The following GUCY2F variants were observed in gnomAD, a reference collection of about 807,000 sequenced individuals.
GUCY2F encodes retinal guanylyl cyclase 2.
A neutral mutation model predicts 73.1 loss-of-function variants in GUCY2F; 61 were observed. The observed-to-expected ratio is 0.83, with a 90% confidence interval of 0.68 to 1.03. The LOEUF (loss-of-function observed/expected upper bound fraction) is 1.03. Among genes scored for constraint, GUCY2F ranks in the 50% least tolerant of loss-of-function variants. The probability of loss-of-function intolerance (pLI) is 0.00; values close to 1 mark genes in which losing one functional copy is unlikely to be tolerated. For missense variants in GUCY2F, 912 were observed against 854.3 expected (o/e 1.07, Z -0.84); for synonymous variants, 331 against 307.8 (o/e 1.08, Z -0.79).
At chrX:109,481,469 A>G (rs1259420832) in intron 1 of GUCY2F, among the ~76,000 whole-genome samples, 2 of 111,898 alleles carry the variant, frequency 1.8e-5, no homozygotes, top group African/African-American at 6.5e-5. Flanking sequence ...ATGTACAAAG[A>G]AAGACTATGA....
In GUCY2F at chrX:109,475,557, G is replaced by T. The variant is rs1932672567; in HGVS notation, c.380C>A (p.Thr127Asn). 1 of 1,209,481 alleles carries T rather than the reference G, an allele frequency of 8.3e-7. No individual in the cohort carries two copies. The highest frequency in any genetic ancestry group is 2.2e-5 in the Admixed American group (1 of 45,805). ...GGCTGCCTCGCAGTAGCCAGGGTTG[G>T]TAGGTCCAATAAATCCTGAGGCCAT... ...HQMASGFIGP[T>N]NPGYCEAASL... The change falls in exon 2 of 20, where the codon ACC (threonine) becomes AAC (asparagine). Residue 127 changes from threonine to asparagine, a missense_variant. Transcript: ENST00000218006.
At chrX:109,404,079 C>G (rs1232444040) in intron 10 of GUCY2F, among the ~76,000 whole-genome samples, 1 of 112,326 alleles carries the variant, frequency 8.9e-6, no homozygotes, top group Non-Finnish European at 1.9e-5. Context: ...GCTGGGGTCT[C>G]CAAACAATAC....
chrX:109,467,726 T>C (rs1932498501), intron 2 of GUCY2F, among the ~76,000 whole-genome samples: 1 of 112,024 alleles, frequency 8.9e-6, no homozygotes, highest in African/African-American at 3.2e-5. Context: ...CTCAGTAGTG[T>C]GCTGGGGTTC....
intron 6 of GUCY2F, among the ~76,000 whole-genome samples, chrX:109,443,313 T>G (rs1472864009): frequency 8.9e-6 from 1 of 111,776 alleles, no homozygotes; most frequent in African/African-American, 3.3e-5. Context: ...AATTTATTTT[T>G]TTTTATTTAC....
intron 2 of GUCY2F, among the ~76,000 whole-genome samples, chrX:109,472,764 A>G (rs1932602479): frequency 8.9e-6 from 1 of 111,844 alleles, no homozygotes; most frequent in Non-Finnish European, 1.9e-5. Flanking sequence ...AAGCTCTGAT[A>G]ATCTATTTTT....
chrX:109,387,881 G>C (rs1484953474), intron 15 of GUCY2F, among the ~76,000 whole-genome samples: 1 of 111,872 alleles, frequency 8.9e-6, no homozygotes, highest in African/African-American at 3.3e-5. Context: ...AGGGAGGCTT[G>C]TCATGAATTC....
At chrX:109,440,692 G>C (rs1240640838) in intron 7 of GUCY2F, among the ~76,000 whole-genome samples, 2 of 111,808 alleles carry the variant, frequency 1.8e-5, no homozygotes, top group Non-Finnish European at 3.8e-5. Flanking sequence ...ACTCATTCCT[G>C]CTGAGAAGAA....
Position 109,453,560 on chromosome X carries a change from C to A in GUCY2F, c.1332G>T (p.Arg444Ser), listed in dbSNP as rs778023123. 1.7e-6 allele frequency: 2 copies of A among 1,209,572 alleles called. No homozygotes were observed. ...AGCATTTTGCATCTGCTCTAGGGGGCCTGCCACCAGGGAAGTGAATAGGGG... is the reference window on the plus strand; with the variant it reads ...AGCATTTTGCATCTGCTCTAGGGGGACTGCCACCAGGGAAGTGAATAGGGG... ...GGTPIHFPGG[R>S]PPRADAKCWF... The change falls in exon 4 of 20, where the codon AGG becomes AGT. Residue 444 changes from arginine (R) to serine (S), a missense_variant. Transcript: ENST00000218006.
At position 109,378,110 on chromosome X, in the gene GUCY2F, G is replaced by A. The variant is rs1290121321; in HGVS notation, c.3151-1943C>T. On this transcript the variant is annotated intron_variant, in intron 17 of 19. Transcript: ENST00000218006. The stretch of plus-strand genomic sequence containing the variant: ...AGTCCTAGAGATCCCCCATATAAGA[G>A]CATCTTACTTTGGCATGATGCTTAT... 4.5e-5 allele frequency among the ~76,000 whole-genome samples: 5 copies of A among 111,711 alleles called. No homozygotes were observed. The East Asian group carries it at 1.1e-3, about 25-fold the overall frequency.
chrX:109,398,973 C>G (rs1416026727), intron 10 of GUCY2F, among the ~76,000 whole-genome samples: 2 of 112,074 alleles, frequency 1.8e-5, no homozygotes, highest in South Asian at 3.7e-4. Context: ...TAGAAATTCT[C>G]TGGTGCTTGC....
At chrX:109,389,371 G>A (rs1475685374) in intron 14 of GUCY2F, among the ~76,000 whole-genome samples, 1 of 111,978 alleles carries the variant, frequency 8.9e-6, no homozygotes, top group African/African-American at 3.2e-5. Flanking sequence ...AACTTTTTGG[G>A]TAAATCCAAA....
chrX:109,410,314 A>C (rs1931079364), intron 8 of GUCY2F, among the ~76,000 whole-genome samples: 1 of 112,300 alleles, frequency 8.9e-6, no homozygotes, highest in African/African-American at 3.2e-5. Context: ...ACTTTCTGGA[A>C]TGGAGCTCAG....
chrX:109,433,964 T>C (rs1931673844), intron 7 of GUCY2F, among the ~76,000 whole-genome samples: 1 of 110,476 alleles, frequency 9.1e-6, no homozygotes, highest in African/African-American at 3.3e-5. Context: ...GATGATTTTT[T>C]AGCTCTGATG....
At chrX:109,467,608 T>C (rs1932495861) in intron 2 of GUCY2F, among the ~76,000 whole-genome samples, 1 of 112,586 alleles carries the variant, frequency 8.9e-6, no homozygotes, top group South Asian at 3.7e-4. Flanking sequence ...ACTTCAGCAC[T>C]GAAGCACTCA....
intron 11 of GUCY2F, among the ~76,000 whole-genome samples, chrX:109,397,211 G>A (rs1411970697): frequency 9.0e-6 from 1 of 111,112 alleles, no homozygotes. Flanking sequence ...GATACTTTCA[G>A]GGCCCGGCCA....
At chrX:109,455,722 G>A (rs1032891941) in intron 3 of GUCY2F, among the ~76,000 whole-genome samples, 4 of 111,046 alleles carry the variant, frequency 3.6e-5, no homozygotes, top group Non-Finnish European at 7.6e-5. Context: ...TAACTTCCTT[G>A]GTGATCTCTT....
intron 6 of GUCY2F, among the ~76,000 whole-genome samples, chrX:109,444,692 G>A (rs191676834): frequency 9.0e-6 from 1 of 111,595 alleles, no homozygotes; most frequent in South Asian, 3.8e-4. Flanking sequence ...GAAATATGCT[G>A]AGTATAAGAC....
intron 2 of GUCY2F, among the ~76,000 whole-genome samples, chrX:109,473,053 C>T (rs1384130552): frequency 1.8e-5 from 2 of 111,363 alleles, no homozygotes; most frequent in Non-Finnish European, 3.8e-5. Flanking sequence ...AGTTCCCCTG[C>T]CCCCACCCCA....
chrX:109,472,832 A>C (rs1490687673), intron 2 of GUCY2F, among the ~76,000 whole-genome samples: 1 of 112,228 alleles, frequency 8.9e-6, no homozygotes. Flanking sequence ...TGTTTCCAAC[A>C]AATGATCAAG....
Sources: gnomAD v4.1 joint callset for allele counts (sites outside exome capture counted in the v4.1 genomes callset) on GRCh38, gnomAD v4.1.1 for gene constraint, MANE v1.5 for transcripts, NCBI Gene and HGNC (gene_info 2026-07-23, HGNC 2026-07-21) for gene names.